The following MPP7 variants were observed in gnomAD, a reference collection of about 807,000 sequenced individuals.
The protein encoded by MPP7 is MAGUK p55 scaffold protein 7.
MPP7 carries 60 observed loss-of-function variants against 76.5 expected under a neutral mutation model. The ratio of observed to expected loss-of-function variants is 0.78; its 90% CI spans 0.64 to 0.97. The LOEUF is 0.97. Ranked by LOEUF, MPP7 falls within the 50% of genes least tolerant of loss-of-function variation. The pLI, the probability that MPP7 is intolerant of heterozygous loss-of-function variation, is 0.00. For missense variants in MPP7, 641 were observed against 694.0 expected (o/e 0.92, Z 0.86); for synonymous variants, 237 against 244.5 (o/e 0.97, Z 0.29).
intron 1 of MPP7, among the ~76,000 whole-genome samples, chr10:28,266,377 G>A (rs1258810752): frequency 1.3e-5 from 2 of 152,250 alleles, no homozygotes; most frequent in African/African-American, 2.4e-5. Context: ...TCCTCAAATT[G>A]TAACATCAAG....
intron 3 of MPP7, among the ~76,000 whole-genome samples, chr10:28,183,396 C>T (rs547297219): frequency 6.6e-6 from 1 of 152,274 alleles, no homozygotes; most frequent in Non-Finnish European, 1.5e-5. Context: ...ACACACTTAG[C>T]CAACTCAAGA....
chr10:28,201,907 T>C (rs1032055870), intron 3 of MPP7, among the ~76,000 whole-genome samples: 6 of 152,352 alleles, frequency 3.9e-5, no homozygotes, highest in Middle Eastern at 3.4e-3. Context: ...TTTCATATTC[T>C]TTCTCTAAAC....
chr10:28,267,142 T>G (rs1230519606), intron 1 of MPP7, among the ~76,000 whole-genome samples: 1 of 152,202 alleles, frequency 6.6e-6, no homozygotes, highest in Non-Finnish European at 1.5e-5. Context: ...GTTCATTCAC[T>G]TATATATTGT....
upstream of MPP7, among the ~76,000 whole-genome samples, chr10:28,306,668 T>TAGATAGAGAGAGAGAGAGAGAGAG (rs113787029): frequency 1.3e-5 from 2 of 148,510 alleles, no homozygotes; most frequent in African/African-American, 5.0e-5. Flanking sequence ...GATAGATAGA[T>TAGATAGAGAGAGAGAGAGAGAGAG]AGAGAGAGAG....
intron 1 of MPP7, among the ~76,000 whole-genome samples, chr10:28,239,559 T>C (rs1294878787): frequency 6.6e-6 from 1 of 152,228 alleles, no homozygotes; most frequent in Admixed American, 6.5e-5. Context: ...AAGATGTTAT[T>C]ATAGATTTAC....
intron 8 of MPP7, among the ~76,000 whole-genome samples, chr10:28,121,988 G>T (rs1360987066): frequency 6.6e-6 from 1 of 152,166 alleles, no homozygotes; most frequent in Non-Finnish European, 1.5e-5. Flanking sequence ...GTGCAACACA[G>T]CAAGTTAAGT....
chr10:28,324,296 G>A (rs762601078), intron 2 of MPP7, among the ~76,000 whole-genome samples: 3 of 152,184 alleles, frequency 2.0e-5, no homozygotes, highest in Non-Finnish European at 4.4e-5. Context: ...CACCAAATCT[G>A]CCAGCGCCTT....
chr10:28,126,384 CAT>C (rs1835018605), intron 6 of MPP7, among the ~76,000 whole-genome samples: 1 of 152,208 alleles, frequency 6.6e-6, no homozygotes, highest in Non-Finnish European at 1.5e-5. Context: ...TCCTTAATGA[CAT>C]GTCTCAAATT....
chr10:28,067,988 T>C (rs35891448), intron 13 of MPP7, among the ~76,000 whole-genome samples: 3,654 of 152,226 alleles, frequency 0.024, 66 homozygotes, highest in Non-Finnish European at 0.032. Flanking sequence ...ATCTTATACT[T>C]GACTGGGAAG....
At chr10:28,179,944 G>A (rs1837005788) in intron 3 of MPP7, among the ~76,000 whole-genome samples, 1 of 152,048 alleles carries the variant, frequency 6.6e-6, no homozygotes, top group Non-Finnish European at 1.5e-5. Context: ...GCTTTTAACT[G>A]AACACAGAAA....
chr10:28,168,124 C>T (rs919669858), intron 3 of MPP7, among the ~76,000 whole-genome samples: 1 of 152,134 alleles, frequency 6.6e-6, no homozygotes. Flanking sequence ...GTAGTCCTAG[C>T]TACTCCGGAG....
chr10:28,088,417 G>C (rs1239967080), intron 12 of MPP7, among the ~76,000 whole-genome samples: 1 of 152,010 alleles, frequency 6.6e-6, no homozygotes, highest in African/African-American at 2.4e-5. Flanking sequence ...GAGATCTGAT[G>C]GTTTAAAAGT....
Position 28,059,696 on chromosome 10 carries a change from T to C in MPP7, c.1252A>G (p.Ile418Val), listed in dbSNP as rs1210068685. The C allele has an allele frequency of 5.0e-6, 8 of 1,613,462 alleles. No individual in the cohort carries two copies. The highest frequency in any genetic ancestry group is 6.8e-6 in the Non-Finnish European group (8 of 1,179,724). ...RSQESDGVEY[I>V]FISKHLFETD... The stretch of plus-strand genomic sequence containing the variant: ...TCAAACAAATGCTTGGAAATGAAAA[T>C]GTATTCAACACCATCACTCTCCTGG... The change falls in exon 14 of 17, where the codon ATT becomes GTT. Residue 418 changes from isoleucine (I) to valine (V), a missense_variant. Coordinates refer to ENST00000683449, the MANE Select transcript of MPP7 (RefSeq NM_001318170.2).
At chr10:28,296,367 T>G (rs565670139) in intron 1 of MPP7, among the ~76,000 whole-genome samples, 1 of 152,114 alleles carries the variant, frequency 6.6e-6, no homozygotes, top group Non-Finnish European at 1.5e-5. Flanking sequence ...AATTTACTAT[T>G]GCTCTCCTCC....
At chr10:28,093,551 A>G (rs1376422450) in intron 11 of MPP7, among the ~76,000 whole-genome samples, 15 of 150,240 alleles carry the variant, frequency 1.0e-4, no homozygotes, top group Non-Finnish European at 1.5e-5. Context: ...GGTTCAAGCG[A>G]TTCTCATGCC....
At chr10:28,116,879 T>C (rs1293216527) in intron 11 of MPP7, among the ~76,000 whole-genome samples, 1 of 152,162 alleles carries the variant, frequency 6.6e-6, no homozygotes, top group East Asian at 1.9e-4. Flanking sequence ...CTTGCACTTA[T>C]GAATTTTGCA....
intron 1 of MPP7, among the ~76,000 whole-genome samples, chr10:28,255,891 G>T (rs893990819): frequency 6.6e-6 from 1 of 152,156 alleles, no homozygotes; most frequent in Non-Finnish European, 1.5e-5. Flanking sequence ...TTGTAGAGAG[G>T]CACTGGGAGG....
chr10:28,110,255 A>G (rs1312684363), intron 11 of MPP7, among the ~76,000 whole-genome samples: 1 of 152,030 alleles, frequency 6.6e-6, no homozygotes, highest in Non-Finnish European at 1.5e-5. Flanking sequence ...ACACCCGGCT[A>G]ATTTTTGTAC....
rs1564741358 is a variant in MPP7, at chr10:28,262,222, TA to T, written c.-131-23488del. On this transcript the variant is annotated intron_variant, in intron 1 of 16. Transcript: ENST00000683449. Reference sequence around the variant, plus strand: ...ATATATATATACATATATATATATATATACATATATATATATATATACATAT... The same window carrying T: ...ATATATATATACATATATATATATATTACATATATATATATATATACATAT... Among the ~76,000 whole-genome samples the T allele has an allele frequency of 3.4e-3, 95 of 27,624 alleles. 9 individuals are homozygous for T. The highest frequency in any genetic ancestry group is 5.0e-3 in the Non-Finnish European group (78 of 15,614). 18.1% of individuals were successfully genotyped at this position (27,624 alleles called of 152,430 possible). A position where few individuals can be genotyped will look rare whatever the true frequency, so the allele number is the denominator to read the frequency against.
Sources: allele counts gnomAD v4.1 joint callset (sites outside exome capture counted in the v4.1 genomes callset), GRCh38; gene constraint gnomAD v4.1.1; transcripts MANE v1.5; gene names NCBI Gene and HGNC (gene_info 2026-07-23, HGNC 2026-07-21).